DZIP1L: variants seen among roughly 807,000 people sequenced by gnomAD.
DZIP1L encodes the protein cilium assembly protein DZIP1L.
Under a neutral mutation model 88.7 loss-of-function variants are expected in DZIP1L, and 90 were observed. That is an observed-to-expected ratio of 1.02 (90% CI 0.86 to 1.21). The LOEUF is 1.21. Among genes scored for constraint, DZIP1L ranks in the 50% most tolerant of loss-of-function variants. The pLI, the probability that DZIP1L is intolerant of heterozygous loss-of-function variation, is 0.00. For synonymous variants in DZIP1L, 363 were observed against 372.1 expected, an observed-to-expected ratio of 0.98 and a Z score of 0.28; for missense variants, 932 against 955.8, an observed-to-expected ratio of 0.98 and a Z score of 0.33.
intron 1 of DZIP1L, among the ~76,000 whole-genome samples, 182 bp downstream of exon 1, chr3:138,115,146 C>G (rs2107877304): frequency 6.6e-6 from 1 of 152,162 alleles, no homozygotes; most frequent in South Asian, 2.1e-4. Context: ...AAGGGCGCGC[C>G]CTGGGCAGCG....
At chr3:138,074,689 C>T (rs1943323395) in intron 11 of DZIP1L, among the ~76,000 whole-genome samples, 1 of 151,388 alleles carries the variant, frequency 6.6e-6, no homozygotes, top group East Asian at 1.9e-4. Context: ...ACAGAACCTC[C>T]TTAAAGCATA....
At chr3:138,105,314 A>T (rs2107855176) in intron 1 of DZIP1L, among the ~76,000 whole-genome samples, 1 of 152,122 alleles carries the variant, frequency 6.6e-6, no homozygotes, top group Non-Finnish European at 1.5e-5. Context: ...GGTGATGGTC[A>T]GATAGACAGG....
At chr3:138,071,533 G>C in intron 12 of DZIP1L, 110 bp downstream of exon 12, 1 of 1,254,994 alleles carries the variant, frequency 8.0e-7, no homozygotes, top group Non-Finnish European at 1.1e-6. Flanking sequence ...CTTCAGAGAA[G>C]TGCCCCTAAT....
At chr3:138,085,808 G>A (rs1193811048) in intron 7 of DZIP1L, among the ~76,000 whole-genome samples, 25 of 152,112 alleles carry the variant, frequency 1.6e-4, no homozygotes, top group African/African-American at 5.8e-4. Context: ...ACACGCACAC[G>A]TATGTTTATT....
At chr3:138,064,853 G>A (rs1942827435) in intron 14 of DZIP1L, 86 bp from the exon 15 acceptor site, 4 of 1,508,344 alleles carry the variant, frequency 2.7e-6, no homozygotes, top group African/African-American at 1.4e-5. Flanking sequence ...AGGCTCCAGT[G>A]TGGATAGAGG....
chr3:138,068,284 C>A lies in DZIP1L; in HGVS notation c.1699G>T (p.Ala567Ser), dbSNP rs766015567. ...TLQVALPSTP[A>S]EPPPPTRQSH... ...TGACGAGTTGGTGGGGGTGGCTCTG[C>A]CGGTGTGGATGGCAAGGCCACCTGC... The change falls in exon 13 of 16, where the codon GCA becomes TCA. Residue 567 changes from alanine (A) to serine (S), a missense_variant. Coordinates refer to ENST00000327532, the MANE Select transcript of DZIP1L (RefSeq NM_173543.3). The A allele has an allele frequency of 1.9e-6, 3 of 1,596,790 alleles. No individual in the cohort carries two copies.
chr3:138,072,714 T>A (rs888056417), intron 11 of DZIP1L, among the ~76,000 whole-genome samples: 7 of 152,200 alleles, frequency 4.6e-5, no homozygotes, highest in African/African-American at 1.7e-4. Flanking sequence ...CTCCCTGAGA[T>A]GCCGAAAACC....
At chr3:138,081,888 G>A in intron 8 of DZIP1L, 124 bp from the exon 9 acceptor site, 1 of 937,560 alleles carries the variant, frequency 1.1e-6, no homozygotes, top group Non-Finnish European at 1.5e-6. Context: ...CTCACGTTGG[G>A]AACTGGAAGG....
chr3:138,109,151 A>C (rs951684041), intron 1 of DZIP1L, among the ~76,000 whole-genome samples: 1 of 152,184 alleles, frequency 6.6e-6, no homozygotes, highest in African/African-American at 2.4e-5. Flanking sequence ...CTGCTTCCAA[A>C]AGTACCTCTC....
At chr3:138,101,421 C>T (rs531899188) in intron 2 of DZIP1L, 5 of 713,624 alleles carry the variant, frequency 7.0e-6, no homozygotes, top group African/African-American at 5.2e-5. Flanking sequence ...CAGCCTCCCC[C>T]GCTGGGCTCT....
intron 1 of DZIP1L, 111 bp downstream of exon 1, chr3:138,115,217 G>A (rs1197802716): frequency 1.3e-5 from 2 of 152,208 alleles, no homozygotes; most frequent in African/African-American, 2.4e-5. Flanking sequence ...GTTCGCCCCC[G>A]CTAATGTTTA....
chr3:138,099,344 T>TA (rs1245091030), intron 2 of DZIP1L, among the ~76,000 whole-genome samples: 1 of 152,202 alleles, frequency 6.6e-6, no homozygotes, highest in Non-Finnish European at 1.5e-5. Flanking sequence ...TCATTAATGT[T>TA]AGTGTATTTT....
Position 138,104,966 on chromosome 3 carries a change from T to G in DZIP1L, c.-81-914A>C, listed in dbSNP as rs373468788. Among the ~76,000 whole-genome samples the G allele has an allele frequency of 3.0e-4, 46 of 152,276 alleles. 1 individual carries two copies. The South Asian group carries it at 9.5e-3, about 32-fold the overall frequency. On this transcript the variant is annotated intron_variant, in intron 1 of 15. Coordinates refer to ENST00000327532, the MANE Select transcript of DZIP1L (RefSeq NM_173543.3). The stretch of plus-strand genomic sequence containing the variant: ...AAGGTACTTGTGAAAAAATTGTCAT[T>G]GTAGCATCTTTTATAAAAGCAAAGT...
chr3:138,070,796 A>T (rs2107742029), intron 12 of DZIP1L, among the ~76,000 whole-genome samples: 1 of 152,270 alleles, frequency 6.6e-6, no homozygotes, highest in African/African-American at 2.4e-5. Flanking sequence ...CTGACTGAGG[A>T]GACGAAGTAA....
At chr3:138,115,177 C>T (rs6781719) in intron 1 of DZIP1L, among the ~76,000 whole-genome samples, 151 bp downstream of exon 1, 26 of 152,238 alleles carry the variant, frequency 1.7e-4, no homozygotes, top group African/African-American at 6.3e-4. Flanking sequence ...CAGCCGGCTC[C>T]TCCCGCGCCC....
At chr3:138,097,061 GTCCCAGCTAC>G (rs1944508716) in intron 3 of DZIP1L, among the ~76,000 whole-genome samples, 1 of 151,892 alleles carries the variant, frequency 6.6e-6, no homozygotes, top group South Asian at 2.1e-4. Context: ...CGTGCCTGCA[GTCCCAGCTAC>G]TCAGGAGGCT....
intron 2 of DZIP1L, among the ~76,000 whole-genome samples, chr3:138,103,114 T>TCA (rs59775144): frequency 1.4e-3 from 204 of 151,070 alleles, no homozygotes; most frequent in South Asian, 2.9e-3. Context: ...CTTCAAGTAT[T>TCA]CACACACACA....
At chr3:138,065,012 G>A (rs1200746919) in intron 14 of DZIP1L, among the ~76,000 whole-genome samples, 1 of 152,226 alleles carries the variant, frequency 6.6e-6, no homozygotes, top group African/African-American at 2.4e-5. Flanking sequence ...TAGTGACAGA[G>A]GCTTAGGAAG....
At chr3:138,079,736 T>C (rs989701606) in intron 10 of DZIP1L, among the ~76,000 whole-genome samples, 2 of 152,154 alleles carry the variant, frequency 1.3e-5, no homozygotes, top group African/African-American at 2.4e-5. Context: ...CCAAAGTGCA[T>C]AGATTACCAT....
Sources: gnomAD v4.1 joint callset for allele counts (sites outside exome capture counted in the v4.1 genomes callset) on GRCh38, gnomAD v4.1.1 for gene constraint, MANE v1.5 for transcripts, NCBI Gene and HGNC (gene_info 2026-07-23, HGNC 2026-07-21) for gene names.